PNPLA1: variants seen among roughly 807,000 people sequenced by gnomAD.
The protein encoded by PNPLA1 is patatin like domain 1, omega-hydroxyceramide transacylase.
In PNPLA1, 36 loss-of-function variants were observed where a neutral mutation model predicts 51.7. The ratio of observed to expected loss-of-function variants is 0.70; its 90% confidence interval spans 0.53 to 0.92. PNPLA1 has a LOEUF of 0.92. PNPLA1 is among the 40% of genes least tolerant of loss of function. PNPLA1 has a pLI of 0.00. For missense variants in PNPLA1, 658 were observed against 682.5 expected (o/e 0.96, Z 0.40); for synonymous variants, 293 against 280.1 (o/e 1.05, Z -0.46).
intron 1 of PNPLA1, among the ~76,000 whole-genome samples, chr6:36,252,125 C>T (rs1401999768): frequency 1.3e-5 from 2 of 152,164 alleles, no homozygotes; most frequent in Non-Finnish European, 2.9e-5. Context: ...CTTGCCTTCT[C>T]TCCTTCCTCC....
chr6:36,281,519 A>G lies in PNPLA1; in HGVS notation c.206-9801A>G, dbSNP rs373862453. 2.6e-5 allele frequency among the ~76,000 whole-genome samples: 4 copies of G among 152,324 alleles called. No individual in the cohort carries two copies. The East Asian group carries it at 7.7e-4, about 29-fold the overall frequency. ...ACCCTATGAAGCAGACACTATATTT[A>G]TACTCACTTTACAAATGAGGAAACA... On this transcript the variant is annotated intron_variant, in intron 1 of 8. Transcript: ENST00000636260.
In PNPLA1 at chr6:36,307,710, G is replaced by T. The variant is rs375901638; in HGVS notation, c.1593G>T (p.Val531=). The T allele has an allele frequency of 9.3e-6, 15 of 1,613,796 alleles. No individual in the cohort carries two copies. Among genetic ancestry groups the T allele is most frequent in the Non-Finnish European group, 1.3e-5 (15 of 1,179,874 alleles). Reference sequence around the variant, plus strand: ...GATCCAAAAAACCAAGCAGCAAAGTGCAGTGAGCATGTCTAATGTTCCTTA... The same window carrying T: ...GATCCAAAAAACCAAGCAGCAAAGTTCAGTGAGCATGTCTAATGTTCCTTA... ...HSGSKKPSSK[V]QSAPCPLNFP... The change falls in exon 8 of 9, where the codon GTG becomes GTT. Residue 531 remains valine (V), a splice_region_variant and synonymous_variant. Transcript: ENST00000636260.
chr6:36,309,409 C>T (rs574081144), intron 8 of PNPLA1, among the ~76,000 whole-genome samples: 45 of 152,238 alleles, frequency 3.0e-4, no homozygotes, highest in African/African-American at 1.0e-3. Context: ...CTCATGGTCA[C>T]GTTCGGCCTT....
rs143706141 is a variant in PNPLA1 at position 36,312,519 on chromosome 6, A to G, written c.*633A>G. ...ACCTGTAAGGGTGATCCCCGGTGGA[A>G]CTAAGGTTAGGGAAGTCCTAGATGG... On this transcript the variant is annotated 3_prime_UTR_variant, in exon 9 of 9. Transcript: ENST00000636260. 1.2e-3 allele frequency among the ~76,000 whole-genome samples: 176 copies of G among 152,230 alleles called. No homozygotes were observed. Among genetic ancestry groups the G allele is most frequent in the African/African-American group, 4.1e-3 (169 of 41,540 alleles).
chr6:36,258,794 A>G (rs1475212455), intron 1 of PNPLA1, among the ~76,000 whole-genome samples: 3 of 152,252 alleles, frequency 2.0e-5, no homozygotes, highest in Non-Finnish European at 2.9e-5. Flanking sequence ...CCAGAATCCA[A>G]TAAAACTTGC....
intron 5 of PNPLA1, among the ~76,000 whole-genome samples, chr6:36,297,929 C>T (rs1365269035): frequency 6.6e-6 from 1 of 151,876 alleles, no homozygotes; most frequent in Admixed American, 6.6e-5. Flanking sequence ...GTGAATAATT[C>T]GTCATCCCCA....
At position 36,291,430 on chromosome 6, in the gene PNPLA1, CG is replaced by C. The variant is rs1770675943; in HGVS notation, c.319del (p.Val107SerfsTer16). On this transcript the variant is annotated frameshift_variant, in exon 2 of 9. Coordinates refer to ENST00000636260, the MANE Select transcript of PNPLA1 (RefSeq NM_001374623.1). LOFTEE classifies it high-confidence loss of function. ...GCAGATGATGAGGCAGTTTCTGTAC[CG>C]GGTCCTGCCCGAGGACTCCTACAAG... ...MVQMMRQFLY[R>X]VLPEDSYKVT... is the part of the protein sequence containing the mutation. The C allele has an allele frequency of 6.2e-7, 1 of 1,614,078 alleles. No individual in the cohort carries two copies. Among genetic ancestry groups the C allele is most frequent in the African/African-American group, 1.3e-5 (1 of 75,006 alleles).
chr6:36,264,704 GT>G (rs1769724418), intron 1 of PNPLA1, among the ~76,000 whole-genome samples: 1 of 152,196 alleles, frequency 6.6e-6, no homozygotes, highest in Non-Finnish European at 1.5e-5. Context: ...GATTTCTTCA[GT>G]CTGGCTGGTG....
chr6:36,293,079 T>C lies in PNPLA1; in HGVS notation c.457T>C (p.Phe153Leu), dbSNP rs762355733. Residue 153 changes from phenylalanine to leucine, a missense_variant, in exon 3 of 9, where the codon TTC (phenylalanine) becomes CTC (leucine). Physicochemically the swap from Phe to Leu is conservative, Grantham distance 22 (BLOSUM62 0). Transcript: ENST00000636260. ...CGCACAGGCCCTATACTGCAGCTGCTTCGTCCCGGTGTACTGTGGCCTCAT... is the reference window on the plus strand; with the variant it reads ...CGCACAGGCCCTATACTGCAGCTGCCTCGTCCCGGTGTACTGTGGCCTCAT... ...ELIEALYCSCFVPVYCGLIPP... is the reference protein window; with the variant it reads ...ELIEALYCSCLVPVYCGLIPP... The C allele has an allele frequency of 6.2e-7, 1 of 1,613,978 alleles. No homozygotes were observed. Among genetic ancestry groups the C allele is most frequent in the South Asian group, 1.1e-5 (1 of 91,066 alleles).
At chr6:36,309,054 C>T (rs1366306985) in intron 8 of PNPLA1, among the ~76,000 whole-genome samples, 3 of 152,098 alleles carry the variant, frequency 2.0e-5, no homozygotes, top group African/African-American at 7.2e-5. Context: ...CCTGGTTGTT[C>T]TTGTCCCAAG....
chr6:36,254,125 G>A (rs185383191), intron 1 of PNPLA1, among the ~76,000 whole-genome samples: 1 of 152,258 alleles, frequency 6.6e-6, no homozygotes, highest in East Asian at 1.9e-4. Flanking sequence ...AAATAGCCAA[G>A]TAAAGAATGC....
intron 1 of PNPLA1, among the ~76,000 whole-genome samples, chr6:36,274,322 G>A (rs1002452888): frequency 2.0e-5 from 3 of 152,150 alleles, no homozygotes; most frequent in Non-Finnish European, 4.4e-5. Context: ...TTAACAATGC[G>A]ATGTTAAGGG....
chr6:36,306,515 TCCA>T, intron 7 of PNPLA1, 139 bp downstream of exon 7: 1 of 740,456 alleles, frequency 1.4e-6, no homozygotes, highest in Non-Finnish European at 2.2e-6. Context: ...TGATTCCAGG[TCCA>T]CCCCTTTACA....
chr6:36,293,914 C>T (rs1433046835), intron 3 of PNPLA1, among the ~76,000 whole-genome samples: 1 of 152,132 alleles, frequency 6.6e-6, no homozygotes, highest in Non-Finnish European at 1.5e-5. Context: ...CCCTGGGAGC[C>T]CCAGTCTCAG....
intron 1 of PNPLA1, among the ~76,000 whole-genome samples, chr6:36,254,191 C>T (rs368900365): frequency 3.3e-5 from 5 of 152,096 alleles, no homozygotes; most frequent in African/African-American, 1.2e-4. Context: ...TTCTTAAAAA[C>T]TAATTGCTTC....
At position 36,298,272 on chromosome 6, in the gene PNPLA1, T is replaced by G. The variant is rs1770920408; in HGVS notation, c.775+2848T>G. Among the ~76,000 whole-genome samples, 4 of 152,348 alleles carry G rather than the reference T, an allele frequency of 2.6e-5. No homozygotes were observed. In the South Asian group the frequency reaches 8.3e-4, roughly 32 times the overall value. On this transcript the variant is annotated intron_variant, in intron 5 of 8. Transcript: ENST00000636260. The stretch of plus-strand genomic sequence containing the variant: ...TGGACATTTAGGTTATTTTCAGATT[T>G]GGGCTATTATGGATAAAGCTGCTAT...
Position 36,291,228 on chromosome 6 carries a change from C to T in PNPLA1, c.206-92C>T, listed in dbSNP as rs940182729. The T allele has an allele frequency of 5.8e-5, 52 of 902,400 alleles. No individual in the cohort carries two copies. In the African/African-American group the frequency reaches 7.7e-4, roughly 13 times the overall value. 55.9% of individuals were successfully genotyped at this position (902,400 alleles called of 1,614,324 possible). A position where few individuals can be genotyped will look rare whatever the true frequency, so the allele number is the denominator to read the frequency against. Reference sequence around the variant, plus strand: ...TCTAGGTTTCCCCATTTGTTGGATTCAGAGATGAGTTGGAGAAACCACCCT... The same window carrying T: ...TCTAGGTTTCCCCATTTGTTGGATTTAGAGATGAGTTGGAGAAACCACCCT... On this transcript the variant is annotated intron_variant, in intron 1 of 8. Transcript: ENST00000636260.
chr6:36,306,377 G>T lies in PNPLA1; in HGVS notation c.1469+1G>T. ...AAACCGTCAGCAAGCCTTATGTAAC[G>T]TAAGTTTCCCCTTCGTGGAGCACGC... is the stretch of plus-strand genomic sequence containing the variant. On this transcript the variant is annotated splice_donor_variant, in intron 7 of 8. Coordinates refer to ENST00000636260, the MANE Select transcript of PNPLA1 (RefSeq NM_001374623.1). LOFTEE classifies it high-confidence loss of function. 2 of 1,606,994 alleles carry T rather than the reference G, an allele frequency of 1.2e-6. No individual in the cohort carries two copies. The highest frequency in any genetic ancestry group is 1.7e-6 in the Non-Finnish European group (2 of 1,177,420).
intron 1 of PNPLA1, among the ~76,000 whole-genome samples, chr6:36,287,923 T>C (rs546971538): frequency 5.9e-4 from 90 of 152,354 alleles, no homozygotes; most frequent in African/African-American, 2.2e-3. Context: ...GCTACATGAC[T>C]GGCTAGAGCA....
Sources: allele counts gnomAD v4.1 joint callset (sites outside exome capture counted in the v4.1 genomes callset), GRCh38; gene constraint gnomAD v4.1.1; transcripts MANE v1.5; gene names NCBI Gene and HGNC (gene_info 2026-07-23, HGNC 2026-07-21).